Variants in PHF20 observed in about 807,000 individuals in gnomAD.
PHF20 encodes glioma-expressed antigen 2.
In PHF20, 23 loss-of-function variants were observed where a neutral mutation model predicts 113.5. The ratio of observed to expected loss-of-function variants is 0.20; its 90% CI spans 0.15 to 0.29. PHF20 has a LOEUF of 0.29. Ranked by LOEUF, PHF20 falls within the 10% of genes least tolerant of loss-of-function variation. The pLI is 1.00. For missense variants in PHF20, 943 were observed against 1,219.6 expected, an observed-to-expected ratio of 0.77 and a Z score of 3.38; for synonymous variants, 434 against 457.3, an observed-to-expected ratio of 0.95 and a Z score of 0.65.
intron 10 of PHF20, among the ~76,000 whole-genome samples, chr20:35,902,988 G>A (rs1363891021): frequency 5.4e-5 from 8 of 148,546 alleles, no homozygotes; most frequent in Admixed American, 5.3e-4. Flanking sequence ...GTATAATTAA[G>A]AAGCCTGAGT....
intron 9 of PHF20, among the ~76,000 whole-genome samples, chr20:35,890,831 G>A (rs141822802): frequency 8.1e-4 from 124 of 152,228 alleles, no homozygotes; most frequent in African/African-American, 2.8e-3. Context: ...GCAGTGACCC[G>A]AGATCGTTCC....
At chr20:35,862,038 G>A (rs2054227406) in intron 5 of PHF20, among the ~76,000 whole-genome samples, 1 of 152,058 alleles carries the variant, frequency 6.6e-6, no homozygotes, top group South Asian at 2.1e-4. Context: ...TTTCAGACCT[G>A]GCCTTATTAT....
At chr20:35,946,178 A>G (rs976904873) in intron 17 of PHF20, among the ~76,000 whole-genome samples, 7 of 150,538 alleles carry the variant, frequency 4.6e-5, no homozygotes, top group Admixed American at 4.6e-4. Context: ...GTCTCAAAAG[A>G]AAAAAAAAGG....
At chr20:35,902,471 G>A (rs1009893172) in intron 10 of PHF20, among the ~76,000 whole-genome samples, 4 of 152,290 alleles carry the variant, frequency 2.6e-5, no homozygotes, top group East Asian at 1.9e-4. Flanking sequence ...CCTGACCATC[G>A]TGGTGTGTGC....
chr20:35,908,847 A>T (rs1435370424), intron 10 of PHF20, among the ~76,000 whole-genome samples: 3 of 152,304 alleles, frequency 2.0e-5, no homozygotes, highest in Middle Eastern at 3.4e-3. Context: ...CATTGCTGGC[A>T]TATAGAAAAG....
intron 1 of PHF20, among the ~76,000 whole-genome samples, chr20:35,786,412 A>G (rs778471654): frequency 4.5e-4 from 67 of 150,066 alleles, no homozygotes; most frequent in Non-Finnish European, 3.9e-4. Context: ...AATAAATAAG[A>G]CTTCCCCTAG....
intron 1 of PHF20, chr20:35,775,035 A>T (rs982317454): frequency 2.6e-5 from 4 of 152,216 alleles, no homozygotes; most frequent in Admixed American, 2.0e-4. Context: ...AGTACCTAAT[A>T]AAATATAGTA....
At chr20:35,931,183 A>G in intron 14 of PHF20, 66 bp from the exon 15 acceptor site, 1 of 1,060,350 alleles carries the variant, frequency 9.4e-7, no homozygotes, top group Admixed American at 1.9e-5. Context: ...TAATTGTGTG[A>G]GAGTGATGAA....
intron 9 of PHF20, among the ~76,000 whole-genome samples, chr20:35,888,702 T>C (rs2054784891): frequency 6.6e-6 from 1 of 152,028 alleles, no homozygotes; most frequent in Non-Finnish European, 1.5e-5. Flanking sequence ...GAAGATCACT[T>C]GAGCCAAGGA....
intron 3 of PHF20, among the ~76,000 whole-genome samples, chr20:35,843,896 G>T (rs2042575590): frequency 6.6e-6 from 1 of 152,130 alleles, no homozygotes; most frequent in African/African-American, 2.4e-5. Context: ...AGCCCTTAAA[G>T]AACTTGGAAT....
intron 9 of PHF20, among the ~76,000 whole-genome samples, chr20:35,898,963 G>T (rs969308109): frequency 1.3e-5 from 2 of 152,082 alleles, no homozygotes; most frequent in Non-Finnish European, 2.9e-5. Flanking sequence ...TGGTCAGGCT[G>T]GTCATGAACT....
chr20:35,885,111 G>A (rs2054702978), intron 9 of PHF20, among the ~76,000 whole-genome samples: 1 of 152,126 alleles, frequency 6.6e-6, no homozygotes, highest in Non-Finnish European at 1.5e-5. Context: ...TGGGATTACA[G>A]GCATGAGCCA....
chr20:35,917,269 G>A, intron 12 of PHF20: 1 of 653,086 alleles, frequency 1.5e-6, no homozygotes, highest in Non-Finnish European at 2.9e-6. Context: ...AGTGAAATGA[G>A]GAAGTGGAGT....
chr20:35,922,932 G>A (rs765756192), intron 13 of PHF20, among the ~76,000 whole-genome samples: 5 of 151,830 alleles, frequency 3.3e-5, no homozygotes, highest in South Asian at 4.2e-4. Context: ...CCTGGGCAAC[G>A]TGGCAAACCC....
At chr20:35,835,960 A>G (rs182811598) in intron 2 of PHF20, among the ~76,000 whole-genome samples, 1 of 152,268 alleles carries the variant, frequency 6.6e-6, no homozygotes, top group African/African-American at 2.4e-5. Flanking sequence ...ATAAAATAAA[A>G]GAGAAAACTT....
intron 10 of PHF20, among the ~76,000 whole-genome samples, chr20:35,903,077 CTTTTTTTT>C (rs376888832): frequency 6.7e-5 from 4 of 60,006 alleles, no homozygotes; most frequent in East Asian, 4.5e-4. Context: ...CCTATCCTTT[CTTTTTTTT>C]TTTTTTTTTT....
At position 35,941,550 on chromosome 20, in the gene PHF20, G is replaced by A. The variant is rs1285432611; in HGVS notation, c.2896+503G>A. Reference sequence around the variant, plus strand: ...TGAGTATTCCTTCCAGATATTGGTGGTTACGGACAGGCCTGGAGGATCAAA... The same window carrying A: ...TGAGTATTCCTTCCAGATATTGGTGATTACGGACAGGCCTGGAGGATCAAA... On this transcript the variant is annotated intron_variant, in intron 17 of 17. Coordinates refer to ENST00000374012, the MANE Select transcript of PHF20 (RefSeq NM_016436.5). 2.0e-5 allele frequency among the ~76,000 whole-genome samples: 3 copies of A among 152,162 alleles called. No individual in the cohort carries two copies. The East Asian group carries it at 5.8e-4, about 29-fold the overall frequency.
intron 2 of PHF20, among the ~76,000 whole-genome samples, chr20:35,816,519 C>T (rs1017796235): frequency 5.3e-5 from 8 of 149,988 alleles, no homozygotes; most frequent in South Asian, 2.1e-4. Flanking sequence ...GCGCAATCTC[C>T]GGTCACTGCA....
intron 1 of PHF20, among the ~76,000 whole-genome samples, chr20:35,794,815 A>G (rs2041634944): frequency 6.6e-6 from 1 of 152,184 alleles, no homozygotes; most frequent in Non-Finnish European, 1.5e-5. Context: ...CAAGACTTCC[A>G]GTTACCATAG....
Sources: gnomAD v4.1 joint callset for allele counts (sites outside exome capture counted in the v4.1 genomes callset) on GRCh38, gnomAD v4.1.1 for gene constraint, MANE v1.5 for transcripts, NCBI Gene and HGNC (gene_info 2026-07-23, HGNC 2026-07-21) for gene names.